The following STX2 variants were observed in gnomAD, a reference collection of about 807,000 sequenced individuals.
STX2 encodes the protein syntaxin-2.
In STX2, 27 loss-of-function variants were observed where a neutral mutation model predicts 40.6. The observed-to-expected ratio is 0.66, with a 90% confidence interval of 0.49 to 0.92. STX2 has a LOEUF of 0.92. Ranked by LOEUF, STX2 falls within the 40% of genes least tolerant of loss-of-function variation. The pLI, the probability that STX2 is intolerant of heterozygous loss-of-function variation, is 0.00. For missense variants in STX2, 328 were observed against 366.1 expected (o/e 0.90, Z 0.85); for synonymous variants, 123 against 119.1 (o/e 1.03, Z -0.22).
In STX2 at chr12:130,796,061, A is replaced by G; in HGVS notation, c.846T>C (p.Ile282=). ...ACCATCATTTGCCAACTGACAAGCC[A>G]ATAATTAGAGCGATTATGGCAACCA... The part of the protein sequence containing the change: ...VVLVAIIALI[I]GLSVGK The change falls in exon 10 of 11, where the codon ATT becomes ATC. Residue 282 remains isoleucine (I), a synonymous_variant. Coordinates refer to ENST00000392373, the MANE Select transcript of STX2 (RefSeq NM_194356.4). The G allele has an allele frequency of 6.2e-7, 1 of 1,614,232 alleles. No individual in the cohort carries two copies. Among genetic ancestry groups the G allele is most frequent in the Non-Finnish European group, 8.5e-7 (1 of 1,180,034 alleles).
At chr12:130,831,866 ATTTTTTTTTT>A (rs60003050) in intron 1 of STX2, among the ~76,000 whole-genome samples, 1 of 106,598 alleles carries the variant, frequency 9.4e-6, no homozygotes, top group East Asian at 3.2e-4. Flanking sequence ...CACTTCTGCA[ATTTTTTTTTT>A]TTTTTTTTTT....
intron 2 of STX2, among the ~76,000 whole-genome samples, chr12:130,823,788 TAA>T (rs1952201701): frequency 6.6e-6 from 1 of 152,204 alleles, no homozygotes; most frequent in Non-Finnish European, 1.5e-5. Flanking sequence ...TCAACATAAA[TAA>T]CACATTTCTG....
chr12:130,791,722 C>CG lies in STX2; in HGVS notation c.*300dup. ...TCACGCATCACACCCACTGTGCTTA[C>CG]GGCGCTGTCACTGAACAAGACGTTC... On this transcript the variant is annotated 3_prime_UTR_variant, in exon 11 of 11. Coordinates refer to ENST00000392373, the MANE Select transcript of STX2 (RefSeq NM_194356.4). 1.7e-6 allele frequency: 1 copy of CG among 579,796 alleles called. No individual in the cohort carries two copies. The highest frequency in any genetic ancestry group is 3.1e-6 in the Non-Finnish European group (1 of 326,772). The allele number at this position is 579,796 out of a possible 1,614,324, so 35.9% of individuals were successfully genotyped here.
chr12:130,816,488 C>T (rs1304164995), intron 3 of STX2, among the ~76,000 whole-genome samples: 4 of 152,114 alleles, frequency 2.6e-5, no homozygotes, highest in African/African-American at 9.7e-5. Flanking sequence ...CAGACGCAGG[C>T]CATAAGGTCA....
intron 3 of STX2, among the ~76,000 whole-genome samples, chr12:130,813,452 G>A (rs143979459): frequency 0.019 from 2,820 of 152,344 alleles, 96 homozygotes; most frequent in Non-Finnish European, 0.019. Context: ...AGTCTCCCGT[G>A]TGTGTGCTTT....
intron 2 of STX2, 83 bp downstream of exon 2, chr12:130,827,110 G>C (rs1447480689): frequency 6.9e-6 from 4 of 578,550 alleles, no homozygotes; most frequent in Non-Finnish European, 9.1e-6. Flanking sequence ...AAGGGAGAGG[G>C]AGGGAAGAAA....
intron 1 of STX2, among the ~76,000 whole-genome samples, chr12:130,832,858 C>A (rs756323110): frequency 1.3e-5 from 2 of 152,166 alleles, no homozygotes; most frequent in Non-Finnish European, 2.9e-5. Context: ...ACTTGCTGTG[C>A]CTTCTACCCA....
chr12:130,791,917 C>T lies in STX2; in HGVS notation c.*106G>A. ...TATGGTTGCTAGGACAATGTTGTTG[C>T]TAGGATAATTCCAAGGATCACAAGC... On this transcript the variant is annotated 3_prime_UTR_variant, in exon 11 of 11. Coordinates refer to ENST00000392373, the MANE Select transcript of STX2 (RefSeq NM_194356.4). The T allele has an allele frequency of 6.2e-7, 1 of 1,611,544 alleles. No individual in the cohort carries two copies. The highest frequency in any genetic ancestry group is 1.1e-5 in the South Asian group (1 of 90,716).
rs1249743339 is a variant in STX2 at position 130,822,337 on chromosome 12, A to C, written c.106-549T>G. On this transcript the variant is annotated intron_variant, in intron 2 of 10. Transcript: ENST00000392373. ...GAAGCTGAGGCTCAAGAATCGCTTGAATCGGGAGGCAGAGGTTGCAGTGAA... is the reference window on the plus strand; with the variant it reads ...GAAGCTGAGGCTCAAGAATCGCTTGCATCGGGAGGCAGAGGTTGCAGTGAA... Among the ~76,000 whole-genome samples, 3 of 152,118 alleles carry C rather than the reference A, an allele frequency of 2.0e-5. No individual in the cohort carries two copies. In the East Asian group the frequency reaches 5.8e-4, roughly 29 times the overall value.
At chr12:130,836,010 G>C (rs1458091882) in intron 1 of STX2, among the ~76,000 whole-genome samples, 5 of 152,112 alleles carry the variant, frequency 3.3e-5, no homozygotes, top group Non-Finnish European at 7.3e-5. Flanking sequence ...TTGTTAATCA[G>C]ACATTGTTGA....
chr12:130,831,553 C>T (rs1383562934), intron 1 of STX2, among the ~76,000 whole-genome samples: 1 of 151,988 alleles, frequency 6.6e-6, no homozygotes, highest in African/African-American at 2.4e-5. Flanking sequence ...TTGTGAGGAT[C>T]CCTTGAGCCA....
chr12:130,830,886 T>C (rs983306748), intron 1 of STX2, among the ~76,000 whole-genome samples: 2 of 152,240 alleles, frequency 1.3e-5, no homozygotes, highest in African/African-American at 4.8e-5. Context: ...AGCCAGGGAA[T>C]ACTCTCTATA....
intron 9 of STX2, 37 bp downstream of exon 9, chr12:130,798,488 A>G: frequency 6.6e-7 from 1 of 1,515,052 alleles, no homozygotes; most frequent in Non-Finnish European, 8.9e-7. Context: ...CCAAATGAAG[A>G]GAAAAACGCA....
At chr12:130,794,640 GCACGTGTGC>G (rs1950975047) in intron 10 of STX2, among the ~76,000 whole-genome samples, 1 of 152,130 alleles carries the variant, frequency 6.6e-6, no homozygotes, top group Non-Finnish European at 1.5e-5. Context: ...GGGACTATAG[GCACGTGTGC>G]CACCATGCCC....
At position 130,807,008 on chromosome 12, in the gene STX2, C is replaced by G; in HGVS notation, c.437G>C (p.Gly146Ala). The change falls in exon 6 of 11, where the codon GGC becomes GCC. Residue 146 changes from glycine (G) to alanine (A), a missense_variant. By Grantham distance (60) the Gly-to-Ala change is moderately conservative. Coordinates refer to ENST00000392373, the MANE Select transcript of STX2 (RefSeq NM_194356.4). ...TATCTCCAGCTGGCGCTGGATGCGG[C>G]CTTTGCTCCGCTCCCGAAACAGAGT... The part of the protein sequence containing the change: ...AQTLFRERSK[G>A]RIQRQLEITG... 6.2e-7 allele frequency: 1 copy of G among 1,614,216 alleles called. No individual in the cohort carries two copies. Among genetic ancestry groups the G allele is most frequent in the African/African-American group, 1.3e-5 (1 of 75,074 alleles).
At chr12:130,802,621 C>A (rs1293528064) in intron 6 of STX2, among the ~76,000 whole-genome samples, 1 of 152,192 alleles carries the variant, frequency 6.6e-6, no homozygotes, top group Non-Finnish European at 1.5e-5. Context: ...CTCCAGCCTC[C>A]CAAGTGACTG....
At chr12:130,811,968 A>T (rs528574319) in intron 4 of STX2, among the ~76,000 whole-genome samples, 1 of 152,236 alleles carries the variant, frequency 6.6e-6, no homozygotes, top group Non-Finnish European at 1.5e-5. Context: ...ACCAACCTAC[A>T]GCAAATTCAG....
intron 5 of STX2, 150 bp from the exon 6 acceptor site, chr12:130,807,240 C>G: frequency 1.4e-6 from 1 of 738,538 alleles, no homozygotes; most frequent in East Asian, 2.7e-5. Context: ...ATGGCAGCAT[C>G]TGTGCTAAGA....
intron 1 of STX2, among the ~76,000 whole-genome samples, chr12:130,828,936 ATT>A (rs1952446410): frequency 6.6e-6 from 1 of 152,040 alleles, no homozygotes; most frequent in Non-Finnish European, 1.5e-5. Flanking sequence ...AGAAACTAAC[ATT>A]AAGATAGACC....
Sources: allele counts gnomAD v4.1 joint callset (sites outside exome capture counted in the v4.1 genomes callset), GRCh38; gene constraint gnomAD v4.1.1; transcripts MANE v1.5; gene names NCBI Gene and HGNC (gene_info 2026-07-23, HGNC 2026-07-21).